CAPN3: variants seen among roughly 807,000 people sequenced by gnomAD.
CAPN3 encodes the protein calpain 3.
In CAPN3, 88 loss-of-function variants were observed where a neutral mutation model predicts 114.0. The observed-to-expected ratio is 0.77, with a 90% CI of 0.65 to 0.92. CAPN3 has a LOEUF of 0.92. Among genes scored for constraint, CAPN3 ranks in the 40% least tolerant of loss-of-function variants. The pLI is 0.00. For missense variants in CAPN3, 1,028 were observed against 1,069.0 expected (o/e 0.96, Z 0.53); for synonymous variants, 386 against 382.9 (o/e 1.01, Z -0.09).
chr15:42,362,123 C>G (rs761423419), intron 1 of CAPN3, among the ~76,000 whole-genome samples: 2 of 152,154 alleles, frequency 1.3e-5, no homozygotes, highest in Non-Finnish European at 2.9e-5. Flanking sequence ...TCCTAAAAGC[C>G]CTTTCTTGGG....
chr15:42,399,251 C>G (rs1197733581), intron 9 of CAPN3, among the ~76,000 whole-genome samples: 4 of 152,096 alleles, frequency 2.6e-5, no homozygotes, highest in African/African-American at 9.7e-5. Context: ...TGAGAGCATG[C>G]GACATTTATC....
chr15:42,375,940 A>C (rs151052255), intron 1 of CAPN3, among the ~76,000 whole-genome samples: 1,729 of 152,246 alleles, frequency 0.011, 22 homozygotes, highest in South Asian at 0.041. Context: ...CTTGGCTGTG[A>C]CAGTATCTCT....
At chr15:42,369,507 A>C (rs2052878444) in intron 1 of CAPN3, among the ~76,000 whole-genome samples, 1 of 152,120 alleles carries the variant, frequency 6.6e-6, no homozygotes, top group Admixed American at 6.5e-5. Context: ...CTCAAAAAGA[A>C]GAAAAAAAAA....
At chr15:42,379,284 C>CT (rs2053175495) in intron 1 of CAPN3, among the ~76,000 whole-genome samples, 1 of 151,814 alleles carries the variant, frequency 6.6e-6, no homozygotes, top group South Asian at 2.1e-4. Context: ...GCACTCCAGC[C>CT]TGGGTGACAG....
At position 42,402,140 on chromosome 15, in the gene CAPN3, A is replaced by C; in HGVS notation, c.1536+5A>C. ...CTTCTCAAGGTTCCCAAAGAGGTAT[A>C]GCAGCAGCAGCGGCCAGCAGTTGTG... On this transcript the variant is annotated splice_donor_5th_base_variant and intron_variant, in intron 12 of 23. Transcript: ENST00000397163. The C allele has an allele frequency of 6.2e-7, 1 of 1,613,928 alleles. No individual in the cohort carries two copies. The highest frequency in any genetic ancestry group is 8.5e-7 in the Non-Finnish European group (1 of 1,179,926).
chr15:42,384,625 A>G (rs1477437857), intron 2 of CAPN3, 73 bp downstream of exon 2: 1 of 1,089,604 alleles, frequency 9.2e-7, no homozygotes, highest in Admixed American at 1.7e-5. Context: ...CCCTTCCAGG[A>G]GGTAAAGGGA....
At chr15:42,391,757 C>A (rs146493024) in intron 6 of CAPN3, among the ~76,000 whole-genome samples, 75 of 152,296 alleles carry the variant, frequency 4.9e-4, no homozygotes, top group Non-Finnish European at 7.9e-4. Context: ...ACGGTCATGT[C>A]TGAGCAGGGA....
intron 2 of CAPN3, chr15:42,385,672 C>G: frequency 3.8e-6 from 2 of 519,828 alleles, no homozygotes; most frequent in South Asian, 2.8e-5. Flanking sequence ...CTTACTGCCC[C>G]CTATAGACGG....
In CAPN3 at chr15:42,409,016, G is replaced by A. The variant is rs1039960243; in HGVS notation, c.1915-287G>A. On this transcript the variant is annotated intron_variant, in intron 16 of 23. Coordinates refer to ENST00000397163, the MANE Select transcript of CAPN3 (RefSeq NM_000070.3). ...CTTTAGTTGGAATGGTCAGGCCTGG[G>A]ATGGTGGAGGGGGCTCTTGCAGGTG... 2.8e-4 allele frequency: 137 copies of A among 487,944 alleles called. 1 individual carries two copies. In the Middle Eastern group the frequency reaches 2.9e-3, roughly 10 times the overall value. The allele number at this position is 487,944 out of a possible 1,614,324, so 30.2% of individuals were successfully genotyped here. A position where few individuals can be genotyped will look rare whatever the true frequency, so the allele number is the denominator to read the frequency against.
rs1363565721 is a variant in CAPN3, at chr15:42,366,835, TTTTTC to T, written c.309+6726_309+6730del. ...CACAGAATTCTTTTTTTTCTTTTTT[TTTTTC>T]TTTTTTTTTTTGAGACAGGGTCTCG... On this transcript the variant is annotated intron_variant, in intron 1 of 23. Transcript: ENST00000397163. Among the ~76,000 whole-genome samples, 698 of 143,452 alleles carry T rather than the reference TTTTTC, an allele frequency of 4.9e-3. 10 individuals carry two copies. Among genetic ancestry groups the T allele is most frequent in the Non-Finnish European group, 7.7e-3 (516 of 67,392 alleles). The allele number at this position is 143,452 out of a possible 152,430, so 94.1% of individuals were successfully genotyped here.
intron 4 of CAPN3, 37 bp from the exon 5 acceptor site, chr15:42,388,889 ACT>A (rs1466627354): frequency 9.3e-6 from 15 of 1,606,150 alleles, no homozygotes; most frequent in Non-Finnish European, 1.3e-5. Flanking sequence ...GTTCCCTGGA[ACT>A]CTGTGACCCC....
In CAPN3 at chr15:42,411,937, T is replaced by A; in HGVS notation, c.*164T>A. ...CCTCCATTTTACCCCCTACCCATCC[T>A]TGATCGGTCATGCCTAGCCTGACCC... On this transcript the variant is annotated 3_prime_UTR_variant, in exon 24 of 24. Coordinates refer to ENST00000397163, the MANE Select transcript of CAPN3 (RefSeq NM_000070.3). 1 of 1,543,394 alleles carries A rather than the reference T, an allele frequency of 6.5e-7. No homozygotes were observed. Among genetic ancestry groups the A allele is most frequent in the Admixed American group, 2.0e-5 (1 of 50,526 alleles).
rs1392805773 is a variant in CAPN3, at chr15:42,392,732, G to A, written c.1029+10G>A. ...CACGGGGCTGGATGAGGTAAGCCTG[G>A]TGGGGCTTGGTGGGGCAAGGGCACC... On this transcript the variant is annotated intron_variant, in intron 7 of 23. Transcript: ENST00000397163. The A allele has an allele frequency of 6.2e-7, 1 of 1,609,174 alleles. No individual in the cohort carries two copies. The highest frequency in any genetic ancestry group is 1.3e-5 in the African/African-American group (1 of 74,762).
rs374702796 is a variant in CAPN3, at chr15:42,390,063, C to T, written c.912C>T (p.Leu304=). The T allele has an allele frequency of 1.9e-6, 3 of 1,614,104 alleles. No homozygotes were observed. The highest frequency in any genetic ancestry group is 1.7e-5 in the Admixed American group (1 of 60,020). The change falls in exon 6 of 24, where the codon CTC becomes CTT. Residue 304 remains leucine, a synonymous_variant. Coordinates refer to ENST00000397163, the MANE Select transcript of CAPN3 (RefSeq NM_000070.3). The part of the protein sequence containing the change: ...MDNSLLQDSD[L]DPRGSDERPT... ...ACTCACTGCTCCAGGACTCAGACCT[C>T]GACCCCAGAGGCTCAGATGAAAGAC...
intron 2 of CAPN3, 39 bp downstream of exon 2, chr15:42,384,591 A>G (rs754296150): frequency 7.0e-7 from 1 of 1,434,566 alleles, no homozygotes; most frequent in East Asian, 2.3e-5. Context: ...CCAGATGATC[A>G]AGGGGTGATT....
intron 16 of CAPN3, 46 bp downstream of exon 16, chr15:42,408,370 G>A (rs753304461): frequency 3.1e-5 from 37 of 1,182,484 alleles, no homozygotes; most frequent in Middle Eastern, 3.8e-4. Context: ...ACGCTACAGG[G>A]GCTTCCTATG....
intron 1 of CAPN3, among the ~76,000 whole-genome samples, chr15:42,371,514 A>G (rs1393742880): frequency 6.6e-6 from 1 of 152,164 alleles, no homozygotes; most frequent in Non-Finnish European, 1.5e-5. Context: ...TACATGAAAC[A>G]CCTGCTAATG....
intron 15 of CAPN3, among the ~76,000 whole-genome samples, chr15:42,407,761 G>A (rs1270436784): frequency 6.6e-6 from 1 of 152,312 alleles, no homozygotes; most frequent in Non-Finnish European, 1.5e-5. Context: ...AGGTTCCTTT[G>A]AGGTGCCTCA....
intron 13 of CAPN3, among the ~76,000 whole-genome samples, chr15:42,403,374 G>A (rs1333924117): frequency 6.6e-6 from 1 of 152,180 alleles, no homozygotes; most frequent in Non-Finnish European, 1.5e-5. Flanking sequence ...AGGTGTTGGG[G>A]ATGCTTGAAA....
Sources: gnomAD v4.1 joint callset for allele counts (sites outside exome capture counted in the v4.1 genomes callset) on GRCh38, gnomAD v4.1.1 for gene constraint, MANE v1.5 for transcripts, NCBI Gene and HGNC (gene_info 2026-07-23, HGNC 2026-07-21) for gene names.